POU3F3: variants seen among roughly 807,000 people sequenced by gnomAD.
POU3F3 encodes the protein POU domain, class 3, transcription factor 3.
A neutral mutation model predicts 8.6 loss-of-function variants in POU3F3; 1 was observed. That is an observed-to-expected ratio of 0.12 (90% CI 0.04 to 0.55). POU3F3 has a LOEUF of 0.55. Among genes scored for constraint, POU3F3 ranks in the 20% least tolerant of loss-of-function variants. POU3F3 has a pLI of 0.91. For synonymous variants in POU3F3, 418 were observed against 327.4 expected, an observed-to-expected ratio of 1.28 and a Z score of -2.99; for missense variants, 577 against 690.7, an observed-to-expected ratio of 0.84 and a Z score of 1.84.
chr2:104,927,011 G>T, the POU3F3 span, among the ~76,000 whole-genome samples: 1 of 152,038 alleles, frequency 6.6e-6, no homozygotes, highest in Non-Finnish European at 1.5e-5. Context: ...GTAGATGATG[G>T]GTGGATGGGC....
Position 104,855,523 on chromosome 2 carries a change from G to A in POU3F3, c.13G>A (p.Ala5Thr), listed in dbSNP as rs1412180631. 3 of 1,027,748 alleles carry A rather than the reference G, an allele frequency of 2.9e-6. No individual in the cohort carries two copies. The highest frequency in any genetic ancestry group is 2.3e-6 in the Non-Finnish European group (2 of 854,452). The allele number at this position is 1,027,748 out of a possible 1,614,324, so 63.7% of individuals were successfully genotyped here. A position where few individuals can be genotyped will look rare whatever the true frequency, so the allele number is the denominator to read the frequency against. MATAASNPYLPGNSL... is the reference protein window; with the variant it reads MATATSNPYLPGNSL... ...GGAGCGGAGCGGCATGGCCACGGCGGCTTCTAACCCCTACCTGCCGGGGAA... is the reference window on the plus strand; with the variant it reads ...GGAGCGGAGCGGCATGGCCACGGCGACTTCTAACCCCTACCTGCCGGGGAA... Residue 5 changes from alanine (A) to threonine (T), a missense_variant, in exon 1 of 1, where the codon GCT (alanine) becomes ACT (threonine). Transcript: ENST00000361360.
chr2:104,916,086 C>A, the POU3F3 span, among the ~76,000 whole-genome samples: 1 of 152,074 alleles, frequency 6.6e-6, no homozygotes, highest in Non-Finnish European at 1.5e-5. Flanking sequence ...CATGATGAAA[C>A]AATTTTAATA....
the POU3F3 span, among the ~76,000 whole-genome samples, chr2:104,914,710 A>G: frequency 1.3e-5 from 2 of 152,096 alleles, no homozygotes; most frequent in African/African-American, 4.8e-5. Context: ...CTGAAGGAGG[A>G]GGGAGTTATA....
At chr2:104,887,567 T>TTGC in the POU3F3 span, among the ~76,000 whole-genome samples, 1 of 152,216 alleles carries the variant, frequency 6.6e-6, no homozygotes, top group Non-Finnish European at 1.5e-5. Flanking sequence ...AGATGTGGAA[T>TTGC]TGCTGATTGT....
At position 104,855,716 on chromosome 2, in the gene POU3F3, CTG is replaced by C; in HGVS notation, c.208_209del (p.Val70GlnfsTer569). Reference sequence around the variant, plus strand: ...GGCGCCTACCGGGGGGACCCGTCCTCTGTCAAGATGGTCCAGAGCGACTTCAT... The same window carrying C: ...GGCGCCTACCGGGGGGACCCGTCCTCTCAAGATGGTCCAGAGCGACTTCAT... On this transcript the variant is annotated frameshift_variant, in exon 1 of 1. Coordinates refer to ENST00000361360, the MANE Select transcript of POU3F3 (RefSeq NM_006236.3). LOFTEE classifies it low-confidence loss of function (END_TRUNC). 7.9e-7 allele frequency: 1 copy of C among 1,258,090 alleles called. No individual in the cohort carries two copies. The highest frequency in any genetic ancestry group is 5.4e-5 in the East Asian group (1 of 18,550). 77.9% of individuals were successfully genotyped at this position (1,258,090 alleles called of 1,614,324 possible). A position where few individuals can be genotyped will look rare whatever the true frequency, so the allele number is the denominator to read the frequency against.
the POU3F3 span, among the ~76,000 whole-genome samples, chr2:104,882,615 A>G: frequency 2.8e-4 from 42 of 152,176 alleles, no homozygotes; most frequent in Non-Finnish European, 1.5e-4. Flanking sequence ...GGATATTGGA[A>G]TTAAATAAAT....
downstream of POU3F3, among the ~76,000 whole-genome samples, chr2:104,861,887 C>T (rs1010321150): frequency 1.3e-5 from 2 of 152,182 alleles, no homozygotes; most frequent in African/African-American, 4.8e-5. Flanking sequence ...GGTGCAGGAT[C>T]CTCACGGTAG....
chr2:104,876,002 G>A, the POU3F3 span, among the ~76,000 whole-genome samples: 1 of 152,072 alleles, frequency 6.6e-6, no homozygotes, highest in Non-Finnish European at 1.5e-5. Context: ...ACAGGCATGA[G>A]CCACCATGCC....
At chr2:104,893,902 A>G in the POU3F3 span, among the ~76,000 whole-genome samples, 1 of 152,026 alleles carries the variant, frequency 6.6e-6, no homozygotes, top group East Asian at 1.9e-4. Context: ...AAAAAAAAAA[A>G]AAGATGCAGT....
the POU3F3 span, among the ~76,000 whole-genome samples, chr2:104,911,884 G>A: frequency 6.6e-6 from 1 of 152,028 alleles, no homozygotes; most frequent in African/African-American, 2.4e-5. Context: ...AGAAAAGTAT[G>A]TTGTGTAAAT....
chr2:104,909,153 T>C, the POU3F3 span, among the ~76,000 whole-genome samples: 10 of 152,218 alleles, frequency 6.6e-5, no homozygotes, highest in Non-Finnish European at 1.5e-4. Flanking sequence ...TCGTGTAACA[T>C]TGTGTTCTCA....
At chr2:104,898,564 A>G in the POU3F3 span, among the ~76,000 whole-genome samples, 1 of 152,362 alleles carries the variant, frequency 6.6e-6, no homozygotes, top group Admixed American at 6.5e-5. Context: ...TATTACATAT[A>G]AAGAGTTAAT....
At chr2:104,916,985 C>T in the POU3F3 span, among the ~76,000 whole-genome samples, 1 of 152,090 alleles carries the variant, frequency 6.6e-6, no homozygotes, top group Non-Finnish European at 1.5e-5. Context: ...TGCCGAAGGC[C>T]CAGAAAGAAT....
chr2:104,915,853 C>T, the POU3F3 span, among the ~76,000 whole-genome samples: 17 of 151,930 alleles, frequency 1.1e-4, no homozygotes, highest in Admixed American at 1.0e-3. Context: ...AACTCATCAC[C>T]CCTGAGGTAT....
chr2:104,919,975 G>C, the POU3F3 span, among the ~76,000 whole-genome samples: 1 of 151,846 alleles, frequency 6.6e-6, no homozygotes, highest in East Asian at 1.9e-4. Context: ...CTTTATTTCG[G>C]GGCACAGGAA....
At chr2:104,906,550 C>A in the POU3F3 span, among the ~76,000 whole-genome samples, 1 of 152,254 alleles carries the variant, frequency 6.6e-6, no homozygotes, top group East Asian at 1.9e-4. Flanking sequence ...ACCTTGGTGT[C>A]CTTTTTGTCA....
At chr2:104,872,085 C>A in the POU3F3 span, among the ~76,000 whole-genome samples, 3 of 152,120 alleles carry the variant, frequency 2.0e-5, no homozygotes, top group Non-Finnish European at 4.4e-5. The surrounding 1 kb of genome is among the most constrained non-coding windows in gnomAD (Gnocchi z 4.6). Context: ...CACACACACA[C>A]ACACACTCTT....
chr2:104,926,335 C>T, the POU3F3 span, among the ~76,000 whole-genome samples: 1 of 152,034 alleles, frequency 6.6e-6, no homozygotes, highest in South Asian at 2.1e-4. Flanking sequence ...ATTTATGTGG[C>T]CAATAAACAT....
the POU3F3 span, among the ~76,000 whole-genome samples, chr2:104,896,382 A>C: frequency 7.0e-3 from 1,064 of 152,326 alleles, 9 homozygotes; most frequent in Middle Eastern, 0.034. Flanking sequence ...ATCTAATTCC[A>C]GATGGACTAA....
Sources: gnomAD v4.1 joint callset for allele counts (sites outside exome capture counted in the v4.1 genomes callset) on GRCh38, gnomAD v4.1.1 for gene constraint, Gnocchi (gnomAD v3.1) non-coding constraint, MANE v1.5 for transcripts, NCBI Gene and HGNC (gene_info 2026-07-23, HGNC 2026-07-21) for gene names.